Variants in ABCA1 observed in about 807,000 individuals in gnomAD.
The protein encoded by ABCA1 is ATP binding cassette subfamily A member 1.
In ABCA1, 133 loss-of-function variants were observed where a neutral mutation model predicts 262.5. The observed-to-expected ratio is 0.51, with a 90% confidence interval of 0.44 to 0.59. The LOEUF (loss-of-function observed/expected upper bound fraction) is 0.59. ABCA1 is among the 20% of genes least tolerant of loss of function. The probability of loss-of-function intolerance (pLI) is 0.00; values close to 1 mark genes in which losing one functional copy is unlikely to be tolerated. For synonymous variants in ABCA1, 1,022 were observed against 1,043.5 expected (o/e 0.98, Z 0.40); for missense variants, 2,452 against 2,777.5 (o/e 0.88, Z 2.63).
chr9:104,788,014 T>C lies in ABCA1; in HGVS notation c.6110A>G (p.Tyr2037Cys). 6.2e-7 allele frequency: 1 copy of C among 1,614,228 alleles called. No individual in the cohort carries two copies. The highest frequency in any genetic ancestry group is 8.5e-7 in the Non-Finnish European group (1 of 1,180,038). The change falls in exon 46 of 50, where the codon TAT becomes TGT. Residue 2037 changes from tyrosine (Y) to cysteine (C), a missense_variant. Physicochemically the swap from Tyr to Cys is radical, Grantham distance 194 (BLOSUM62 -2). Around this residue, in one of 4 missense-constraint regions of ABCA1, gnomAD observed 752 missense variants for 944.5 expected, o/e 0.80. Coordinates refer to ENST00000374736, the MANE Select transcript of ABCA1 (RefSeq NM_005502.4). ...ATAGTTACCAGCATATTTTTCTCCA[T>C]ACTTCACGAGGCCCAGTTTCCGAAT... ...WAIRKLGLVKYGEKYAGNYSG... is the reference protein window; with the variant it reads ...WAIRKLGLVKCGEKYAGNYSG...
intron 34 of ABCA1, 70 bp downstream of exon 34, chr9:104,801,984 T>A (rs979202787): frequency 7.1e-7 from 1 of 1,411,616 alleles, no homozygotes; most frequent in Non-Finnish European, 1.0e-6. Flanking sequence ...CCGTTTAACC[T>A]GCCAACTACT....
Position 104,781,109 on chromosome 9 carries a change from T to A in ABCA1, c.*3206A>T, listed in dbSNP as rs1828522553. On this transcript the variant is annotated 3_prime_UTR_variant, in exon 50 of 50. Coordinates refer to ENST00000374736, the MANE Select transcript of ABCA1 (RefSeq NM_005502.4). ...ATATAAAGTTATTGACATACAAAATTTTTTTTCTTTTTTCCTTTTAATGAA... is the reference window on the plus strand; with the variant it reads ...ATATAAAGTTATTGACATACAAAATATTTTTTCTTTTTTCCTTTTAATGAA... 1 of 152,310 alleles carries A rather than the reference T, an allele frequency of 6.6e-6. No homozygotes were observed. Among genetic ancestry groups the A allele is most frequent in the Non-Finnish European group, 1.5e-5 (1 of 67,976 alleles). 9.4% of individuals were successfully genotyped at this position (152,310 alleles called of 1,614,324 possible).
At chr9:104,824,430 G>T (rs775700645) in intron 18 of ABCA1, 35 bp downstream of exon 18, 1 of 1,613,534 alleles carries the variant, frequency 6.2e-7, no homozygotes, top group South Asian at 1.1e-5. Flanking sequence ...AGCAGCACTA[G>T]GTTAAAGAAA....
rs13306077 is a variant in ABCA1 at position 104,796,059 on chromosome 9, G to A, written c.5376C>T (p.Thr1792=). ...SVATFVLELF[T]DNKLNNINDI... is the part of the protein sequence containing the mutation. ...TTCTCTCTGCATGACTCACATTGTC[G>A]GTGAACAGCTCCAGCACAAAGGTGG... is the stretch of plus-strand genomic sequence containing the variant. The change falls in exon 39 of 50, where the codon ACC becomes ACT. Residue 1792 remains threonine (T), a synonymous_variant. Transcript: ENST00000374736. 2.4e-3 allele frequency: 3,901 copies of A among 1,612,566 alleles called. 11 individuals are homozygous for A. The highest frequency in any genetic ancestry group is 5.6e-3 in the Middle Eastern group (27 of 4,780).
Position 104,861,774 on chromosome 9 carries a change from C to T in ABCA1, c.448G>A (p.Asp150Asn), listed in dbSNP as rs766806821. 1.2e-6 allele frequency: 2 copies of T among 1,613,212 alleles called. No homozygotes were observed. Among genetic ancestry groups the T allele is most frequent in the African/African-American group, 1.3e-5 (1 of 74,722 alleles). The change falls in exon 6 of 50, where the codon GAC (aspartate) becomes AAC (asparagine). Residue 150 changes from aspartate (D) to asparagine (N), a missense_variant. Asp to Asn is a conservative substitution (Grantham distance 23, BLOSUM62 1). This residue lies in a region of ABCA1 where 1,032 missense variants were observed against 1,089.7 expected (regional missense o/e 0.95). Coordinates refer to ENST00000374736, the MANE Select transcript of ABCA1 (RefSeq NM_005502.4). ...AGGAACCCAGAGAAGGTTTCATTGT[C>T]CACCAGGAAATCTTGAAGCTTCAAG... ...SNLKLQDFLV[D>N]NETFSGFLYH...
intron 44 of ABCA1, among the ~76,000 whole-genome samples, chr9:104,788,939 C>T (rs73517886): frequency 9.9e-4 from 151 of 152,344 alleles, no homozygotes; most frequent in African/African-American, 3.5e-3. Context: ...ATGCACCATT[C>T]ACATGCACCA....
intron 5 of ABCA1, among the ~76,000 whole-genome samples, chr9:104,872,274 T>C (rs1168654302): frequency 6.6e-6 from 1 of 152,232 alleles, no homozygotes; most frequent in African/African-American, 2.4e-5. Flanking sequence ...AGTGGTAAAT[T>C]TGAACCCAAA....
chr9:104,866,347 A>G (rs1389597851), intron 5 of ABCA1, among the ~76,000 whole-genome samples: 1 of 152,118 alleles, frequency 6.6e-6, no homozygotes, highest in African/African-American at 2.4e-5. Context: ...CAAGAATATT[A>G]AGAAAGCCAG....
chr9:104,893,723 C>T (rs898362072), intron 2 of ABCA1, among the ~76,000 whole-genome samples: 1 of 152,108 alleles, frequency 6.6e-6, no homozygotes, highest in African/African-American at 2.4e-5. Flanking sequence ...GGGTAAATCA[C>T]AGAGATAGTC....
At chr9:104,786,480 A>G (rs1482259462) in intron 47 of ABCA1, 90 bp from the exon 48 acceptor site, 1 of 1,140,456 alleles carries the variant, frequency 8.8e-7, no homozygotes, top group Non-Finnish European at 1.3e-6. Context: ...CCAGCTTCCT[A>G]GGGAATTGTA....
At chr9:104,862,071 CACACAT>C (rs200098643) in intron 5 of ABCA1, among the ~76,000 whole-genome samples, 4,759 of 148,956 alleles carry the variant, frequency 0.032, 245 homozygotes, top group East Asian at 0.28. Flanking sequence ...CACACACACA[CACACAT>C]ACACACACAC....
At chr9:104,897,972 G>C (rs1285587690) in intron 2 of ABCA1, among the ~76,000 whole-genome samples, 2 of 152,170 alleles carry the variant, frequency 1.3e-5, no homozygotes, top group Non-Finnish European at 2.9e-5. Flanking sequence ...CAGAATTGCT[G>C]TGAGAATCAA....
At chr9:104,836,378 A>G (rs1009000762) in intron 11 of ABCA1, among the ~76,000 whole-genome samples, 9 of 152,332 alleles carry the variant, frequency 5.9e-5, no homozygotes, top group African/African-American at 2.2e-4. Flanking sequence ...ACTCAGCCCA[A>G]GGCAGGAAGA....
In ABCA1 at chr9:104,821,611, C is replaced by T. The variant is rs988256603; in HGVS notation, c.2829-105G>A. ...GAACAGAACACCAACCCTCCCACCG[C>T]CCCCATTCCTTTCTAATGAACCCTA... is the stretch of plus-strand genomic sequence containing the variant. On this transcript the variant is annotated intron_variant, in intron 19 of 49. Transcript: ENST00000374736. 4.9e-5 allele frequency: 66 copies of T among 1,337,826 alleles called. No homozygotes were observed. The African/African-American group carries it at 9.5e-4, about 19-fold the overall frequency. 82.9% of individuals were successfully genotyped at this position (1,337,826 alleles called of 1,614,324 possible). A position where few individuals can be genotyped will look rare whatever the true frequency, so the allele number is the denominator to read the frequency against.
intron 27 of ABCA1, 151 bp from the exon 28 acceptor site, chr9:104,812,873 A>G (rs1588272586): frequency 1.0e-6 from 1 of 984,804 alleles, no homozygotes; most frequent in African/African-American, 1.6e-5. Flanking sequence ...TGACAAAGCT[A>G]TGTCCAAGGA....
rs757016943 is a variant in ABCA1 at position 104,832,732 on chromosome 9, G to A, written c.1351C>T (p.Gln451Ter). 1 of 1,614,102 alleles carries A rather than the reference G, an allele frequency of 6.2e-7. No homozygotes were observed. Among genetic ancestry groups the A allele is most frequent in the African/African-American group, 1.3e-5 (1 of 74,922 alleles). Residue 451 changes from glutamine to a stop codon, truncating the protein, a stop_gained, in exon 12 of 50, where the codon CAG becomes TAG. Transcript: ENST00000374736. LOFTEE classifies it high-confidence loss of function. ...DSRDNDHFWE[Q>*]QLDGLDWTAQ... ...GTCCAATCTAAGCCATCCAACTGCT[G>A]TTCCCAAAAGTGGTCATTGTCCCTG...
At chr9:104,864,986 A>G (rs534458286) in intron 5 of ABCA1, among the ~76,000 whole-genome samples, 98 of 152,348 alleles carry the variant, frequency 6.4e-4, no homozygotes, top group African/African-American at 2.2e-3. Flanking sequence ...GTGCACGTGC[A>G]TGGTGTGGTA....
At chr9:104,914,231 A>G (rs1016991548) in intron 1 of ABCA1, among the ~76,000 whole-genome samples, 1 of 151,590 alleles carries the variant, frequency 6.6e-6, no homozygotes, top group East Asian at 2.0e-4. Flanking sequence ...TAATCCCTGC[A>G]CTTTGGGAGG....
intron 7 of ABCA1, among the ~76,000 whole-genome samples, chr9:104,850,617 G>C (rs1256844078): frequency 6.6e-6 from 1 of 152,170 alleles, no homozygotes; most frequent in Non-Finnish European, 1.5e-5. Flanking sequence ...ATTAACCCCA[G>C]GAAAGAATTC....
Sources: allele counts gnomAD v4.1 joint callset (sites outside exome capture counted in the v4.1 genomes callset), GRCh38; gene constraint gnomAD v4.1.1; regional missense constraint gnomAD v4.1.1; transcripts MANE v1.5; gene names NCBI Gene and HGNC (gene_info 2026-07-23, HGNC 2026-07-21).